The following PARD3 variants were observed in gnomAD, a reference collection of about 807,000 sequenced individuals.
PARD3 encodes par-3 family cell polarity regulator.
PARD3 carries 75 observed loss-of-function variants against 155.4 expected under a neutral mutation model. That is an observed-to-expected ratio of 0.48 (90% confidence interval 0.40 to 0.58). The LOEUF is 0.58. Among genes scored for constraint, PARD3 ranks in the 20% least tolerant of loss-of-function variants. The pLI, the probability that PARD3 is intolerant of heterozygous loss-of-function variation, is 0.00. For missense variants in PARD3, 1,642 were observed against 1,721.7 expected, an observed-to-expected ratio of 0.95 and a Z score of 0.82; for synonymous variants, 576 against 610.5, an observed-to-expected ratio of 0.94 and a Z score of 0.83.
intron 11 of PARD3, among the ~76,000 whole-genome samples, chr10:34,373,329 A>G (rs186562575): frequency 3.3e-5 from 5 of 152,158 alleles, no homozygotes; most frequent in African/African-American, 1.2e-4. Context: ...AGCAGAAGGG[A>G]AAAACAGAAG....
At chr10:34,704,319 T>A (rs1424774475) in intron 1 of PARD3, among the ~76,000 whole-genome samples, 1 of 152,230 alleles carries the variant, frequency 6.6e-6, no homozygotes, top group East Asian at 1.9e-4. Flanking sequence ...GTGATCAAGG[T>A]ATCATACATG....
intron 4 of PARD3, among the ~76,000 whole-genome samples, chr10:34,459,459 C>T (rs1386430249): frequency 1.3e-5 from 2 of 152,316 alleles, no homozygotes; most frequent in African/African-American, 4.8e-5. Flanking sequence ...GCGTGAGCCA[C>T]CACACCCGGC....
intron 22 of PARD3, among the ~76,000 whole-genome samples, chr10:34,140,023 C>T (rs1027502675): frequency 1.3e-5 from 2 of 152,058 alleles, no homozygotes; most frequent in Non-Finnish European, 2.9e-5. Flanking sequence ...TTCTTAATTG[C>T]TGTAAATTAG....
At chr10:34,436,081 T>C (rs12244045) in intron 5 of PARD3, among the ~76,000 whole-genome samples, 1 of 152,166 alleles carries the variant, frequency 6.6e-6, no homozygotes, top group African/African-American at 2.4e-5. Context: ...AAATTTAGAA[T>C]ATGAAAAGAA....
chr10:34,252,988 G>A (rs924518199), intron 22 of PARD3, among the ~76,000 whole-genome samples: 2 of 152,112 alleles, frequency 1.3e-5, no homozygotes, highest in Admixed American at 6.6e-5. Context: ...CAAGGATAAC[G>A]CTATATTTAC....
At chr10:34,322,650 T>G (rs1028925532) in intron 19 of PARD3, among the ~76,000 whole-genome samples, 1 of 152,172 alleles carries the variant, frequency 6.6e-6, no homozygotes, top group Non-Finnish European at 1.5e-5. Context: ...TGGGTATAAA[T>G]AGAGATATAC....
At chr10:34,716,489 AG>A (rs2094521310) in intron 1 of PARD3, among the ~76,000 whole-genome samples, 3 of 151,170 alleles carry the variant, frequency 2.0e-5, no homozygotes, top group Admixed American at 2.0e-4. Flanking sequence ...ATCAGATGGG[AG>A]GAGGGGACAA....
At chr10:34,154,246 G>T (rs548016952) in intron 22 of PARD3, among the ~76,000 whole-genome samples, 1 of 152,242 alleles carries the variant, frequency 6.6e-6, no homozygotes, top group African/African-American at 2.4e-5. Flanking sequence ...CTGTGAGACT[G>T]GAAAGTAGAA....
At chr10:34,334,695 T>C (rs1190698223) in intron 18 of PARD3, among the ~76,000 whole-genome samples, 1 of 150,444 alleles carries the variant, frequency 6.6e-6, no homozygotes, top group Non-Finnish European at 1.5e-5. Context: ...TTTGCCCCAA[T>C]ATTTTCTAAT....
chr10:34,299,807 G>A (rs957521752), intron 20 of PARD3, among the ~76,000 whole-genome samples: 2 of 152,186 alleles, frequency 1.3e-5, no homozygotes, highest in African/African-American at 2.4e-5. Context: ...TTTAAAGACT[G>A]TAATGGTATC....
At chr10:34,343,269 AT>A in intron 15 of PARD3, 1 of 845,774 alleles carries the variant, frequency 1.2e-6, no homozygotes, top group Non-Finnish European at 1.4e-6. Flanking sequence ...AAAAGAAAAT[AT>A]TACAGTATAA....
chr10:34,788,072 C>T (rs1312192271), intron 1 of PARD3, among the ~76,000 whole-genome samples: 2 of 151,478 alleles, frequency 1.3e-5, no homozygotes, highest in Non-Finnish European at 2.9e-5. Flanking sequence ...GTATAAGTAA[C>T]GTCGCCCCAG....
chr10:34,317,787 T>A (rs1958100176), intron 19 of PARD3, among the ~76,000 whole-genome samples: 1 of 152,216 alleles, frequency 6.6e-6, no homozygotes, highest in African/African-American at 2.4e-5. Context: ...TGGCCCCTCA[T>A]TAATTTGCTG....
chr10:34,458,554 G>C (rs1337946678), intron 4 of PARD3, among the ~76,000 whole-genome samples: 2 of 152,126 alleles, frequency 1.3e-5, no homozygotes, highest in Non-Finnish European at 2.9e-5. Flanking sequence ...GCTTGAGACT[G>C]TAGTGAGCAA....
chr10:34,608,690 A>G (rs981778356), intron 2 of PARD3, among the ~76,000 whole-genome samples: 2 of 151,856 alleles, frequency 1.3e-5, no homozygotes, highest in Non-Finnish European at 2.9e-5. Context: ...GCCTGCCACC[A>G]CGCTCGCCTA....
At chr10:34,542,452 A>G (rs1264743980) in intron 2 of PARD3, among the ~76,000 whole-genome samples, 1 of 152,192 alleles carries the variant, frequency 6.6e-6, no homozygotes, top group East Asian at 1.9e-4. Flanking sequence ...TACACAGGAC[A>G]GTCCCACACA....
chr10:34,790,606 A>C (rs983070222), intron 1 of PARD3, among the ~76,000 whole-genome samples: 19 of 152,248 alleles, frequency 1.2e-4, no homozygotes, highest in Admixed American at 1.1e-3. Context: ...GAAAAAAAGA[A>C]TGAGTATTCT....
intron 22 of PARD3, among the ~76,000 whole-genome samples, chr10:34,251,830 T>G (rs532863508): frequency 6.6e-6 from 1 of 152,322 alleles, no homozygotes; most frequent in East Asian, 1.9e-4. Flanking sequence ...GCTTACAGTC[T>G]TATCACACAT....
chr10:34,238,280 G>A (rs1397900694), intron 22 of PARD3, among the ~76,000 whole-genome samples: 1 of 152,152 alleles, frequency 6.6e-6, no homozygotes, highest in East Asian at 1.9e-4. Context: ...TATCCCAAAT[G>A]AGTAATTAAG....
Sources: gnomAD v4.1 joint callset for allele counts (sites outside exome capture counted in the v4.1 genomes callset) on GRCh38, gnomAD v4.1.1 for gene constraint, MANE v1.5 for transcripts, NCBI Gene and HGNC (gene_info 2026-07-23, HGNC 2026-07-21) for gene names.